PCDH7: variants seen among roughly 807,000 people sequenced by gnomAD.
PCDH7 encodes the protein protocadherin-7.
Under a neutral mutation model 58.9 loss-of-function variants are expected in PCDH7, and 17 were observed. That is an observed-to-expected ratio of 0.29 (90% CI 0.20 to 0.43). The LOEUF is 0.43. PCDH7 is among the 20% of genes least tolerant of loss of function. The probability of loss-of-function intolerance (pLI) is 1.00; values close to 1 mark genes in which losing one functional copy is unlikely to be tolerated. For synonymous variants in PCDH7, 664 were observed against 616.4 expected (o/e 1.08, Z -1.14); for missense variants, 1,274 against 1,441.0 (o/e 0.88, Z 1.88).
chr4:31,140,818 G>A (rs1224376378), intron 3 of PCDH7, among the ~76,000 whole-genome samples: 1 of 151,762 alleles, frequency 6.6e-6, no homozygotes, highest in African/African-American at 2.4e-5. Flanking sequence ...TTTTTCTTTT[G>A]ATGAAAAAAT....
chr4:30,787,368 C>T (rs191442216), intron 1 of PCDH7, among the ~76,000 whole-genome samples: 133 of 151,994 alleles, frequency 8.8e-4, no homozygotes, highest in Non-Finnish European at 1.6e-3. Context: ...TATTTAATAA[C>T]GCATTAAGAA....
chr4:31,017,118 C>T (rs534447093), intron 3 of PCDH7, among the ~76,000 whole-genome samples: 5 of 152,082 alleles, frequency 3.3e-5, no homozygotes, highest in African/African-American at 4.8e-5. Flanking sequence ...GAGAAGTACA[C>T]CCAGTTAGCC....
chr4:30,817,205 C>T (rs1197145707), intron 1 of PCDH7, among the ~76,000 whole-genome samples: 1 of 152,120 alleles, frequency 6.6e-6, no homozygotes, highest in Admixed American at 6.5e-5. Context: ...GCTATGGGAC[C>T]TTAAGCAGGT....
At chr4:31,025,152 G>A (rs1417155523) in intron 3 of PCDH7, among the ~76,000 whole-genome samples, 1 of 152,146 alleles carries the variant, frequency 6.6e-6, no homozygotes, top group East Asian at 1.9e-4. Context: ...CTGGTGTAAT[G>A]AAACTCACAA....
In PCDH7 at chr4:30,720,454, A is replaced by G. The variant is rs541962477; in HGVS notation, c.-969A>G. The G allele has an allele frequency of 1.3e-5, 2 of 152,750 alleles. No individual in the cohort carries two copies. The highest frequency in any genetic ancestry group is 4.8e-5 in the African/African-American group (2 of 41,568). The allele number at this position is 152,750 out of a possible 1,614,324, so 9.5% of individuals were successfully genotyped here. A position where few individuals can be genotyped will look rare whatever the true frequency, so the allele number is the denominator to read the frequency against. ...AAAGGCACGGACTCTGCGGCTGCGA[A>G]CCCAAACTTGGGCACCGCACGGTGC... On this transcript the variant is annotated 5_prime_UTR_variant, in exon 1 of 2. Transcript: ENST00000361762. This position sits in a 1 kb window ranked among gnomAD's most constrained non-coding sequence, Gnocchi z 4.7.
chr4:31,090,706 A>G (rs1047273239), intron 3 of PCDH7, among the ~76,000 whole-genome samples: 4 of 152,066 alleles, frequency 2.6e-5, no homozygotes, highest in African/African-American at 4.8e-5. Flanking sequence ...CAACTTTCAT[A>G]TATTTTGATC....
intron 3 of PCDH7, among the ~76,000 whole-genome samples, chr4:30,973,457 A>G (rs796929726): frequency 7.2e-5 from 11 of 152,342 alleles, no homozygotes; most frequent in African/African-American, 2.4e-4. Flanking sequence ...TTTTTGGAAT[A>G]AAAGACTACC....
At chr4:30,899,514 A>G (rs186703068) in intron 1 of PCDH7, among the ~76,000 whole-genome samples, 18 of 152,262 alleles carry the variant, frequency 1.2e-4, no homozygotes, top group South Asian at 2.1e-4. Context: ...GGTGGAATAT[A>G]CTATATCATC....
intron 3 of PCDH7, among the ~76,000 whole-genome samples, chr4:30,963,919 C>A (rs564525460): frequency 3.9e-5 from 6 of 152,274 alleles, no homozygotes; most frequent in Non-Finnish European, 8.8e-5. Context: ...ATGGATGAAC[C>A]ATTCCGGGAC....
intron 3 of PCDH7, among the ~76,000 whole-genome samples, chr4:31,044,106 G>T (rs1578643373): frequency 6.6e-6 from 1 of 152,062 alleles, no homozygotes; most frequent in Non-Finnish European, 1.5e-5. Flanking sequence ...ACATAAATAG[G>T]TCAGTAAGTA....
At chr4:31,097,629 T>TAAATATAA (rs1560221884) in intron 3 of PCDH7, among the ~76,000 whole-genome samples, 2 of 41,418 alleles carry the variant, frequency 4.8e-5, no homozygotes, top group African/African-American at 4.5e-4. Context: ...TATATATATA[T>TAAATATAA]ATATATATAA....
downstream of PCDH7, chr4:31,146,342 C>T (rs1180209069): frequency 1.4e-5 from 2 of 140,806 alleles, no homozygotes; most frequent in Non-Finnish European, 3.0e-5. Context: ...AAAATGTGTC[C>T]TTAAGCAAAA....
At chr4:31,053,463 C>T (rs555725433) in intron 3 of PCDH7, among the ~76,000 whole-genome samples, 2 of 152,232 alleles carry the variant, frequency 1.3e-5, no homozygotes, top group East Asian at 3.9e-4. Context: ...AATAAGATGT[C>T]CTGGCTCACA....
intron 2 of PCDH7, among the ~76,000 whole-genome samples, chr4:30,923,255 T>C (rs372143270): frequency 4.6e-5 from 7 of 152,288 alleles, no homozygotes; most frequent in African/African-American, 1.7e-4. Flanking sequence ...TAATTTCTAG[T>C]GCAATAACAA....
At chr4:30,976,399 CTTTT>C (rs370648622) in intron 3 of PCDH7, among the ~76,000 whole-genome samples, 4 of 113,534 alleles carry the variant, frequency 3.5e-5, no homozygotes, top group African/African-American at 3.6e-5. Flanking sequence ...CCATAAAATA[CTTTT>C]TTTTTTTTTT....
At position 30,914,823 on chromosome 4, in the gene PCDH7, C is replaced by T. The variant is rs531599873; in HGVS notation, c.71-5330C>T. On this transcript the variant is annotated intron_variant, in intron 1 of 3. Transcript: ENST00000509759. ...TTACTATTGTCTCCATTATACATACCCTGAGCCTAAGGCACAACAACCAAA... is the reference window on the plus strand; with the variant it reads ...TTACTATTGTCTCCATTATACATACTCTGAGCCTAAGGCACAACAACCAAA... 1.4e-3 allele frequency among the ~76,000 whole-genome samples: 216 copies of T among 152,132 alleles called. 1 individual carries two copies. Among genetic ancestry groups the T allele is most frequent in the Non-Finnish European group, 2.4e-3 (165 of 67,996 alleles).
chr4:31,000,383 C>T (rs570950176), intron 3 of PCDH7, among the ~76,000 whole-genome samples: 14 of 152,056 alleles, frequency 9.2e-5, no homozygotes, highest in Non-Finnish European at 1.3e-4. Flanking sequence ...TATATCTGAA[C>T]GTATTGGCCT....
intron 1 of PCDH7, among the ~76,000 whole-genome samples, chr4:30,771,235 C>T (rs1180989987): frequency 6.6e-6 from 1 of 152,114 alleles, no homozygotes; most frequent in Admixed American, 6.5e-5. Flanking sequence ...ATAAAAATGA[C>T]CATATTTGAA....
intron 3 of PCDH7, among the ~76,000 whole-genome samples, chr4:31,137,476 C>T (rs1719745707): frequency 6.6e-6 from 1 of 152,070 alleles, no homozygotes; most frequent in Non-Finnish European, 1.5e-5. Flanking sequence ...GCCAGCTACT[C>T]AGGAGGCTGA....
Sources: gnomAD v4.1 joint callset for allele counts (sites outside exome capture counted in the v4.1 genomes callset) on GRCh38, gnomAD v4.1.1 for gene constraint, Gnocchi (gnomAD v3.1) non-coding constraint, MANE v1.5 for transcripts, NCBI Gene and HGNC (gene_info 2026-07-23, HGNC 2026-07-21) for gene names.